N4BP1: variants seen among roughly 807,000 people sequenced by gnomAD.
The protein encoded by N4BP1 is NEDD4-binding protein 1.
Under a neutral mutation model 70.9 loss-of-function variants are expected in N4BP1, and 21 were observed. The ratio of observed to expected loss-of-function variants is 0.30; its 90% CI spans 0.21 to 0.43. The LOEUF (loss-of-function observed/expected upper bound fraction) is 0.43, where lower values mean the gene tolerates loss of function less well. N4BP1 is among the 20% of genes least tolerant of loss of function. The pLI, the probability that N4BP1 is intolerant of heterozygous loss-of-function variation, is 1.00. For synonymous variants in N4BP1, 387 were observed against 394.6 expected (o/e 0.98, Z 0.23); for missense variants, 936 against 1,069.4 (o/e 0.88, Z 1.74).
intron 4 of N4BP1, among the ~76,000 whole-genome samples, chr16:48,549,351 C>G (rs751964610): frequency 5.3e-4 from 81 of 152,142 alleles, no homozygotes; most frequent in Non-Finnish European, 9.4e-4. Context: ...GAAGTATTAA[C>G]AAAAATAGGC....
At chr16:48,584,019 G>C (rs1964209226) in intron 1 of N4BP1, among the ~76,000 whole-genome samples, 1 of 152,166 alleles carries the variant, frequency 6.6e-6, no homozygotes, top group Non-Finnish European at 1.5e-5. Flanking sequence ...GTTTTCGTTT[G>C]ATGATTCTTA....
At chr16:48,581,428 A>G (rs1028427456) in intron 1 of N4BP1, among the ~76,000 whole-genome samples, 4 of 152,276 alleles carry the variant, frequency 2.6e-5, no homozygotes, top group Non-Finnish European at 5.9e-5. Flanking sequence ...CAAGAGAAAT[A>G]TAAGACATCC....
intron 2 of N4BP1, 87 bp from the exon 3 acceptor site, chr16:48,553,756 T>C: frequency 9.0e-7 from 1 of 1,108,216 alleles, no homozygotes; most frequent in South Asian, 2.1e-5. Flanking sequence ...AACATACACA[T>C]ACAACAAACA....
intron 1 of N4BP1, among the ~76,000 whole-genome samples, chr16:48,605,007 TG>T (rs1394734957): frequency 6.6e-6 from 1 of 152,010 alleles, no homozygotes; most frequent in Non-Finnish European, 1.5e-5. Flanking sequence ...TCTGAGTTTG[TG>T]GTTCTTTGAT....
Position 48,547,968 on chromosome 16 carries a change from C to A in N4BP1, c.2225+39G>T, listed in dbSNP as rs749279797. On this transcript the variant is annotated intron_variant, in intron 5 of 6. Transcript: ENST00000262384. ...GCACACAGAAACAAACAATTAAAAACAAAACTTTTCTGACCAAAGACAAAG... is the reference window on the plus strand; with the variant it reads ...GCACACAGAAACAAACAATTAAAAAAAAAACTTTTCTGACCAAAGACAAAG... 8.2e-6 allele frequency: 11 copies of A among 1,342,416 alleles called. No individual in the cohort carries two copies. The Admixed American group carries it at 1.6e-4, about 20-fold the overall frequency. 83.2% of individuals were successfully genotyped at this position (1,342,416 alleles called of 1,614,324 possible). A position where few individuals can be genotyped will look rare whatever the true frequency, so the allele number is the denominator to read the frequency against.
At chr16:48,608,915 TTTG>T (rs1052996617) in intron 1 of N4BP1, among the ~76,000 whole-genome samples, 1 of 151,974 alleles carries the variant, frequency 6.6e-6, no homozygotes, top group Non-Finnish European at 1.5e-5. Flanking sequence ...AACGCTATTT[TTTG>T]TTAACATATT....
chr16:48,568,326 A>G (rs539632136), intron 1 of N4BP1, among the ~76,000 whole-genome samples: 2 of 152,272 alleles, frequency 1.3e-5, no homozygotes, highest in South Asian at 4.1e-4. Flanking sequence ...CTCTCTCCCA[A>G]TGTTAGGTTA....
At chr16:48,553,161 TAA>T (rs756223327) in intron 3 of N4BP1, among the ~76,000 whole-genome samples, 1 of 152,204 alleles carries the variant, frequency 6.6e-6, no homozygotes, top group Non-Finnish European at 1.5e-5. Context: ...TATTAAGCCT[TAA>T]ATAGACTGTT....
chr16:48,590,543 G>A (rs1469540498), intron 1 of N4BP1, among the ~76,000 whole-genome samples: 1 of 152,130 alleles, frequency 6.6e-6, no homozygotes, highest in Non-Finnish European at 1.5e-5. Context: ...CTGTGGTTTG[G>A]TAGCACCCCT....
chr16:48,589,087 G>T (rs1597108853), intron 1 of N4BP1, among the ~76,000 whole-genome samples: 1 of 152,248 alleles, frequency 6.6e-6, no homozygotes, highest in Non-Finnish European at 1.5e-5. Flanking sequence ...TATAGATACA[G>T]ATGATTTCTG....
intron 1 of N4BP1, among the ~76,000 whole-genome samples, chr16:48,605,685 T>C (rs1033132932): frequency 6.6e-6 from 1 of 152,168 alleles, no homozygotes; most frequent in Non-Finnish European, 1.5e-5. Flanking sequence ...TTCTGTACTC[T>C]TACTATTGAA....
At chr16:48,558,368 A>C (rs908682171) in intron 2 of N4BP1, among the ~76,000 whole-genome samples, 4 of 152,088 alleles carry the variant, frequency 2.6e-5, no homozygotes, top group Admixed American at 2.6e-4. Flanking sequence ...GGTGGTTTTC[A>C]AAAGAGATGA....
At chr16:48,576,299 T>C (rs2151094039) in intron 1 of N4BP1, among the ~76,000 whole-genome samples, 1 of 152,288 alleles carries the variant, frequency 6.6e-6, no homozygotes, top group Admixed American at 6.5e-5. Flanking sequence ...TCCCCCAATA[T>C]AATTTCAACA....
intron 4 of N4BP1, among the ~76,000 whole-genome samples, chr16:48,548,478 T>G (rs1335461407): frequency 6.6e-6 from 1 of 152,232 alleles, no homozygotes; most frequent in Non-Finnish European, 1.5e-5. Context: ...TTTAAGTTAC[T>G]GAGCAACAGT....
chr16:48,597,273 C>T (rs1170939627), intron 1 of N4BP1, among the ~76,000 whole-genome samples: 1 of 152,176 alleles, frequency 6.6e-6, no homozygotes, highest in Non-Finnish European at 1.5e-5. Flanking sequence ...TGGGCGGTTA[C>T]ATTGGTATCA....
chr16:48,600,681 C>A, intron 1 of N4BP1: 2 of 447,788 alleles, frequency 4.5e-6, no homozygotes, highest in South Asian at 1.9e-5. Flanking sequence ...CTTTTATGTA[C>A]ATTTGAAAAT....
In N4BP1 at chr16:48,540,567, C is replaced by T. The variant is rs1001429822; in HGVS notation, c.*2337G>A. On this transcript the variant is annotated 3_prime_UTR_variant, in exon 7 of 7. Coordinates refer to ENST00000262384, the MANE Select transcript of N4BP1 (RefSeq NM_153029.4). The stretch of plus-strand genomic sequence containing the variant: ...TACTTCCAGAGACAGCGGCCTGGAG[C>T]CTCGGGAAGAATGTAGGCCCAGGAA... 6.6e-6 allele frequency: 1 copy of T among 152,414 alleles called. No homozygotes were observed. The highest frequency in any genetic ancestry group is 1.5e-5 in the Non-Finnish European group (1 of 68,174). 9.4% of individuals were successfully genotyped at this position (152,414 alleles called of 1,614,324 possible). A position where few individuals can be genotyped will look rare whatever the true frequency, so the allele number is the denominator to read the frequency against.
At chr16:48,550,930 A>G (rs1163341732) in intron 4 of N4BP1, among the ~76,000 whole-genome samples, 3 of 152,086 alleles carry the variant, frequency 2.0e-5, no homozygotes, top group Non-Finnish European at 2.9e-5. Flanking sequence ...AGAAAAAAAA[A>G]AAAGAAAGAA....
At chr16:48,548,722 C>A (rs948372728) in intron 4 of N4BP1, among the ~76,000 whole-genome samples, 4 of 151,760 alleles carry the variant, frequency 2.6e-5, no homozygotes, top group Non-Finnish European at 5.9e-5. Flanking sequence ...TCCCTGTAGT[C>A]CCAGCTACTC....
Sources: gnomAD v4.1 joint callset for allele counts (sites outside exome capture counted in the v4.1 genomes callset) on GRCh38, gnomAD v4.1.1 for gene constraint, MANE v1.5 for transcripts, NCBI Gene and HGNC (gene_info 2026-07-23, HGNC 2026-07-21) for gene names.